AGA: variants seen among roughly 807,000 people sequenced by gnomAD.
AGA encodes the protein N(4)-(beta-N-acetylglucosaminyl)-L-asparaginase.
AGA carries 31 observed loss-of-function variants against 40.1 expected under a neutral mutation model. That is an observed-to-expected ratio of 0.77 (90% CI 0.58 to 1.04). The LOEUF is 1.04. Ranked by LOEUF, AGA falls within the 50% of genes least tolerant of loss-of-function variation. The pLI is 0.00. For missense variants in AGA, 445 were observed against 435.4 expected, an observed-to-expected ratio of 1.02 and a Z score of -0.20; for synonymous variants, 148 against 144.0, an observed-to-expected ratio of 1.03 and a Z score of -0.20.
At position 177,433,230 on chromosome 4, in the gene AGA, A is replaced by G; in HGVS notation, c.924T>C (p.Asn308=). Residue 308 remains asparagine (N), a synonymous_variant, in exon 8 of 9, where the codon AAT becomes AAC. Transcript: ENST00000264595. ...ACAACTTACCGTAACTTCCAGTCAC[A>G]TTGGCACATATAACAGCCCCAAAGA... is the stretch of plus-strand genomic sequence containing the variant. ...PEFFGAVICA[N]VTGSYGAACN... is the part of the protein sequence containing the mutation. 6.2e-7 allele frequency: 1 copy of G among 1,614,116 alleles called. No individual in the cohort carries two copies. The highest frequency in any genetic ancestry group is 8.5e-7 in the Non-Finnish European group (1 of 1,179,986).
chr4:177,431,400 T>A lies in AGA; in HGVS notation c.*308A>T, dbSNP rs1484632883. On this transcript the variant is annotated 3_prime_UTR_variant, in exon 9 of 9. Transcript: ENST00000264595. ...TCCTTTTGGGTTTAATATATCACTG[T>A]GGAAATAAATCTCAAAGTAGCAATT... The A allele has an allele frequency of 4.6e-6, 2 of 435,272 alleles. No homozygotes were observed. The highest frequency in any genetic ancestry group is 8.7e-6 in the Non-Finnish European group (2 of 230,236). 27.0% of individuals were successfully genotyped at this position (435,272 alleles called of 1,614,324 possible).
At chr4:177,437,310 A>C (rs1385309057) in intron 5 of AGA, 95 bp downstream of exon 5, 8 of 877,202 alleles carry the variant, frequency 9.1e-6, no homozygotes, top group South Asian at 2.8e-5. Flanking sequence ...CAGTTAAAAC[A>C]ATCAAAATCA....
At position 177,439,781 on chromosome 4, in the gene AGA, G is replaced by A. The variant is rs1560950333; in HGVS notation, c.282-93C>T. ...TTTTCTCCAATCAATAGTGTTTTGC[G>A]GTTAAACTCCACCATCTTAACACAG... is the stretch of plus-strand genomic sequence containing the variant. On this transcript the variant is annotated intron_variant, in intron 2 of 8. Transcript: ENST00000264595. 24 of 933,996 alleles carry A rather than the reference G, an allele frequency of 2.6e-5. 1 individual carries two copies. Among genetic ancestry groups the A allele is most frequent in the Middle Eastern group, 4.2e-4 (2 of 4,780 alleles). The allele number at this position is 933,996 out of a possible 1,614,324, so 57.9% of individuals were successfully genotyped here.
rs1737069405 is a variant in AGA at position 177,442,398 on chromosome 4, C to A, written c.-23G>T. On this transcript the variant is annotated 5_prime_UTR_variant, in exon 1 of 9. Transcript: ENST00000264595. ...CATCCCTGACCACCGAAGAGACCAG[C>A]GCGAGAAAAGTCCCGGCAGCCAGCG... 1.2e-6 allele frequency: 2 copies of A among 1,613,732 alleles called. No individual in the cohort carries two copies. Among genetic ancestry groups the A allele is most frequent in the African/African-American group, 1.3e-5 (1 of 74,902 alleles).
intron 1 of AGA, among the ~76,000 whole-genome samples, chr4:177,441,585 G>A (rs926630621): frequency 1.1e-4 from 16 of 152,164 alleles, no homozygotes; most frequent in South Asian, 2.1e-4. Flanking sequence ...TGATACCTTA[G>A]CTTAGTGGTT....
At chr4:177,439,769 A>G in intron 2 of AGA, 81 bp from the exon 3 acceptor site, 2 of 1,076,838 alleles carry the variant, frequency 1.9e-6, no homozygotes, top group South Asian at 1.2e-5. Flanking sequence ...TCTCCAATCA[A>G]TAGTGTTTTG....
At chr4:177,432,473 T>G (rs1325794911) in intron 8 of AGA, among the ~76,000 whole-genome samples, 3 of 152,196 alleles carry the variant, frequency 2.0e-5, no homozygotes, top group Non-Finnish European at 4.4e-5. Context: ...GCTTTTCCCC[T>G]TCATAATTTT....
intron 8 of AGA, among the ~76,000 whole-genome samples, chr4:177,432,349 T>C (rs1002882381): frequency 6.6e-6 from 1 of 152,156 alleles, no homozygotes; most frequent in African/African-American, 2.4e-5. Context: ...TGTAAATTCA[T>C]CCACAATTAT....
chr4:177,441,682 C>T (rs1353720461), intron 1 of AGA, among the ~76,000 whole-genome samples: 1 of 152,132 alleles, frequency 6.6e-6, no homozygotes, highest in African/African-American at 2.4e-5. Flanking sequence ...ATCACAGTCA[C>T]AGGAGGTGGG....
At chr4:177,440,736 C>T (rs1736976263) in intron 1 of AGA, among the ~76,000 whole-genome samples, 1 of 151,254 alleles carries the variant, frequency 6.6e-6, no homozygotes, top group Non-Finnish European at 1.5e-5. Context: ...TTAAAAGGTA[C>T]AATCGAAACC....
At position 177,433,513 on chromosome 4, in the gene AGA, C is replaced by A. The variant is rs2279931; in HGVS notation, c.807-166G>T. 0.69 allele frequency among the ~76,000 whole-genome samples: 105,026 copies of A among 152,216 alleles called. 38,081 individuals carry two copies. The highest frequency in any genetic ancestry group is 0.82 in the Non-Finnish European group (55,453 of 68,012). ...TGTTAAAGCATCCACAAAGCAAGTC[C>A]ACTTTGATACAGAGTCTATCTTTTC... On this transcript the variant is annotated intron_variant, in intron 7 of 8. Transcript: ENST00000264595.
At chr4:177,441,437 T>C (rs1463816137) in intron 1 of AGA, among the ~76,000 whole-genome samples, 3 of 151,860 alleles carry the variant, frequency 2.0e-5, no homozygotes, top group Non-Finnish European at 4.4e-5. Flanking sequence ...ATTAAGCAAA[T>C]GAAAGAAACA....
In AGA at chr4:177,431,357, G is replaced by A. The variant is rs1736626151; in HGVS notation, c.*351C>T. The A allele has an allele frequency of 2.2e-6, 1 of 445,674 alleles. No individual in the cohort carries two copies. The highest frequency in any genetic ancestry group is 2.6e-5 in the Admixed American group (1 of 38,432). The allele number at this position is 445,674 out of a possible 1,614,324, so 27.6% of individuals were successfully genotyped here. The stretch of plus-strand genomic sequence containing the variant: ...AAAAAACTTGTATACTCTATTTTAA[G>A]CATCCAAATATGATGATTCCTTTTG... On this transcript the variant is annotated 3_prime_UTR_variant, in exon 9 of 9. Transcript: ENST00000264595.
Position 177,433,304 on chromosome 4 carries a change from T to C in AGA, c.850A>G (p.Ile284Val). The C allele has an allele frequency of 1.2e-6, 2 of 1,614,110 alleles. No individual in the cohort carries two copies. Among genetic ancestry groups the C allele is most frequent in the East Asian group, 2.2e-5 (1 of 44,848 alleles). ...EYMRRGEDPT[I>V]ACQKVISRIQ... ...CTTGAAATCACTTTTTGGCAAGCTA[T>C]GGTTGGATCTTCTCCTCTTCTCATG... Residue 284 changes from isoleucine to valine, a missense_variant, in exon 8 of 9, where the codon ATA becomes GTA. Ile to Val is a conservative substitution (Grantham distance 29). Coordinates refer to ENST00000264595, the MANE Select transcript of AGA (RefSeq NM_000027.4).
chr4:177,438,803 G>C lies in AGA; in HGVS notation c.449C>G (p.Ala150Gly). ...GFINEDLSTT[A>G]SQALHSDWLA... is the part of the protein sequence containing the mutation. ...CCAATCTGAATGAAGAGCTTGAGAA[G>C]CAGTGGTAGATAAGTCTTCATTGAT... is the stretch of plus-strand genomic sequence containing the variant. The change falls in exon 4 of 9, where the codon GCT becomes GGT. Residue 150 changes from alanine (A) to glycine (G), a missense_variant. Ala to Gly is a moderately conservative substitution (Grantham distance 60). Coordinates refer to ENST00000264595, the MANE Select transcript of AGA (RefSeq NM_000027.4). 1 of 1,612,086 alleles carries C rather than the reference G, an allele frequency of 6.2e-7. No individual in the cohort carries two copies. Among genetic ancestry groups the C allele is most frequent in the Non-Finnish European group, 8.5e-7 (1 of 1,178,108 alleles).
intron 5 of AGA, 200 bp downstream of exon 5, chr4:177,437,205 A>G: frequency 3.6e-6 from 2 of 550,958 alleles, no homozygotes; most frequent in Non-Finnish European, 6.4e-6. Flanking sequence ...GTGAATAGTC[A>G]TTGGGTTTTA....
intron 4 of AGA, among the ~76,000 whole-genome samples, chr4:177,437,755 T>C (rs980967067): frequency 2.6e-5 from 4 of 152,186 alleles, no homozygotes; most frequent in African/African-American, 9.6e-5. Context: ...GGTATCTATA[T>C]TGCATGACAC....
chr4:177,432,892 AATT>A (rs1736674522), intron 8 of AGA, among the ~76,000 whole-genome samples: 1 of 152,198 alleles, frequency 6.6e-6, no homozygotes. Context: ...GTCTATTTTT[AATT>A]AGTATAAACA....
rs991950983 is a variant in AGA at position 177,438,798 on chromosome 4, G to T, written c.454C>A (p.Gln152Lys). 3 of 1,611,870 alleles carry T rather than the reference G, an allele frequency of 1.9e-6. No individual in the cohort carries two copies. Among genetic ancestry groups the T allele is most frequent in the Admixed American group, 1.7e-5 (1 of 60,014 alleles). ...GCAAGCCAATCTGAATGAAGAGCTT[G>T]AGAAGCAGTGGTAGATAAGTCTTCA... ...INEDLSTTAS[Q>K]ALHSDWLARN... is the part of the protein sequence containing the mutation. Residue 152 changes from glutamine (Q) to lysine (K), a missense_variant, in exon 4 of 9, where the codon CAA (glutamine) becomes AAA (lysine). Gln to Lys is a moderately conservative substitution (Grantham distance 53, BLOSUM62 1). Transcript: ENST00000264595.
Sources: gnomAD v4.1 joint callset for allele counts (sites outside exome capture counted in the v4.1 genomes callset) on GRCh38, gnomAD v4.1.1 for gene constraint, MANE v1.5 for transcripts, NCBI Gene and HGNC (gene_info 2026-07-23, HGNC 2026-07-21) for gene names.